The following ACBD6 variants were observed in gnomAD, a reference collection of about 807,000 sequenced individuals.
ACBD6 encodes the protein acyl-CoA binding domain containing 6.
A neutral mutation model predicts 37.2 loss-of-function variants in ACBD6; 28 were observed. The observed-to-expected ratio is 0.75, with a 90% CI of 0.56 to 1.03. The LOEUF (loss-of-function observed/expected upper bound fraction) is 1.03, where lower values mean the gene tolerates loss of function less well. Among genes scored for constraint, ACBD6 ranks in the 50% least tolerant of loss-of-function variants. The pLI is 0.00. For synonymous variants in ACBD6, 113 were observed against 126.8 expected (o/e 0.89, Z 0.73); for missense variants, 340 against 337.4 (o/e 1.01, Z -0.06).
intron 3 of ACBD6, among the ~76,000 whole-genome samples, chr1:180,453,829 T>G (rs12127886): frequency 0.49 from 73,890 of 151,954 alleles, 20,783 homozygotes; most frequent in South Asian, 0.66. Context: ...GAATATAACT[T>G]ACAAGGGATG....
intron 3 of ACBD6, among the ~76,000 whole-genome samples, chr1:180,489,794 C>G (rs528468406): frequency 9.2e-5 from 14 of 152,008 alleles, no homozygotes; most frequent in Admixed American, 8.5e-4. Flanking sequence ...ATAGCTGGGA[C>G]TACAGGCACT....
At chr1:180,305,080 C>T (rs1335255074) in intron 7 of ACBD6, among the ~76,000 whole-genome samples, 2 of 152,198 alleles carry the variant, frequency 1.3e-5, no homozygotes, top group African/African-American at 2.4e-5. Flanking sequence ...CTTCCTTACA[C>T]TTTATACAAA....
At chr1:180,489,750 G>A (rs532475930) in intron 3 of ACBD6, among the ~76,000 whole-genome samples, 6 of 147,710 alleles carry the variant, frequency 4.1e-5, no homozygotes, top group South Asian at 2.4e-4. Context: ...TCTGCCTCCC[G>A]GGTTCAAGCG....
intron 3 of ACBD6, among the ~76,000 whole-genome samples, chr1:180,473,837 A>G (rs1280105587): frequency 1.3e-5 from 2 of 152,176 alleles, no homozygotes; most frequent in East Asian, 3.8e-4. Context: ...ACACACACAC[A>G]TAAACATACA....
intron 6 of ACBD6, among the ~76,000 whole-genome samples, chr1:180,387,118 C>A (rs548386262): frequency 3.3e-5 from 5 of 152,270 alleles, no homozygotes; most frequent in African/African-American, 1.2e-4. Context: ...CCTTACAGTA[C>A]TATTTGGGTC....
chr1:180,498,003 A>G (rs1651802896), intron 1 of ACBD6, among the ~76,000 whole-genome samples: 1 of 152,234 alleles, frequency 6.6e-6, no homozygotes, highest in Non-Finnish European at 1.5e-5. Context: ...ACTGAAATCC[A>G]TTGGTCTGAC....
intron 3 of ACBD6, among the ~76,000 whole-genome samples, chr1:180,457,198 C>T (rs939388921): frequency 3.3e-5 from 5 of 152,046 alleles, no homozygotes; most frequent in African/African-American, 1.2e-4. Context: ...AAGGTGAGAA[C>T]AGAAATTTAC....
intron 6 of ACBD6, among the ~76,000 whole-genome samples, chr1:180,351,582 GTTTTTT>G (rs59490649): frequency 2.1e-5 from 2 of 97,000 alleles, no homozygotes; most frequent in Admixed American, 1.1e-4. Flanking sequence ...CCGATATTAC[GTTTTTT>G]TTTTTTTTTT....
chr1:180,283,484 C>T (rs549331629), downstream of ACBD6, among the ~76,000 whole-genome samples: 229 of 152,186 alleles, frequency 1.5e-3, no homozygotes, highest in African/African-American at 4.9e-3. Context: ...TTTTAACTTC[C>T]GTATTCTATC....
At chr1:180,493,934 T>C (rs1651626175) in intron 2 of ACBD6, among the ~76,000 whole-genome samples, 2 of 152,218 alleles carry the variant, frequency 1.3e-5, no homozygotes, top group Non-Finnish European at 2.9e-5. Flanking sequence ...ATGATTAGAA[T>C]TGGGTTAAAT....
At chr1:180,458,845 G>T (rs1001748253) in intron 3 of ACBD6, among the ~76,000 whole-genome samples, 4 of 152,060 alleles carry the variant, frequency 2.6e-5, no homozygotes, top group Admixed American at 6.6e-5. Flanking sequence ...TTCCTAAAAA[G>T]TCTGGCATAA....
intron 1 of ACBD6, among the ~76,000 whole-genome samples, chr1:180,496,686 C>T (rs1053600642): frequency 3.9e-5 from 6 of 152,200 alleles, no homozygotes; most frequent in Non-Finnish European, 8.8e-5. Context: ...ACAATTACCA[C>T]CTCTATCATT....
rs960545474 is a variant in ACBD6 at position 180,423,782 on chromosome 1, A to G, written c.467+6398T>C. ...TTCTGATACTTTAAATGCCAATAAC[A>G]TAAAATGTAGTTAAGTTCTAATAAA... On this transcript the variant is annotated intron_variant, in intron 4 of 7. Transcript: ENST00000367595. Among the ~76,000 whole-genome samples, 12 of 152,338 alleles carry G rather than the reference A, an allele frequency of 7.9e-5. No individual in the cohort carries two copies. The East Asian group carries it at 1.2e-3, about 15-fold the overall frequency.
At chr1:180,398,549 TAA>T (rs1318277188) in intron 5 of ACBD6, among the ~76,000 whole-genome samples, 8 of 152,310 alleles carry the variant, frequency 5.3e-5, no homozygotes, top group Non-Finnish European at 1.0e-4. Context: ...AAGCCACTTG[TAA>T]AAGAGAATGG....
intron 3 of ACBD6, among the ~76,000 whole-genome samples, chr1:180,449,803 C>T (rs910138533): frequency 6.6e-6 from 1 of 151,204 alleles, no homozygotes; most frequent in Admixed American, 6.6e-5. Context: ...AAGAGAAACA[C>T]CTAATGCAAA....
intron 6 of ACBD6, among the ~76,000 whole-genome samples, chr1:180,370,673 CGTGT>C (rs1287956612): frequency 6.6e-6 from 1 of 151,840 alleles, no homozygotes; most frequent in Non-Finnish European, 1.5e-5. Context: ...ATGGAACTAT[CGTGT>C]GTGTGTGTTT....
At chr1:180,425,018 T>G (rs1648527753) in intron 4 of ACBD6, among the ~76,000 whole-genome samples, 1 of 152,204 alleles carries the variant, frequency 6.6e-6, no homozygotes, top group African/African-American at 2.4e-5. Flanking sequence ...CTCTTCGCTT[T>G]AATCGCCTTG....
chr1:180,460,185 C>G (rs1428765747), intron 3 of ACBD6, among the ~76,000 whole-genome samples: 1 of 151,188 alleles, frequency 6.6e-6, no homozygotes, highest in Non-Finnish European at 1.5e-5. Flanking sequence ...GTGGGTCCCC[C>G]ATCTGTTCCT....
intron 6 of ACBD6, among the ~76,000 whole-genome samples, chr1:180,349,379 C>T (rs1264712657): frequency 6.6e-6 from 1 of 151,508 alleles, no homozygotes; most frequent in Admixed American, 6.6e-5. Flanking sequence ...CCTCAGCCTC[C>T]GGAGTAGCTG....
Sources: gnomAD v4.1 joint callset for allele counts (sites outside exome capture counted in the v4.1 genomes callset) on GRCh38, gnomAD v4.1.1 for gene constraint, MANE v1.5 for transcripts, NCBI Gene and HGNC (gene_info 2026-07-23, HGNC 2026-07-21) for gene names.